ARID1B: variants seen among roughly 807,000 people sequenced by gnomAD.
ARID1B encodes the protein AT-rich interaction domain 1B.
A neutral mutation model predicts 212.3 loss-of-function variants in ARID1B; 30 were observed. The observed-to-expected ratio is 0.14, with a 90% CI of 0.11 to 0.19. The LOEUF (loss-of-function observed/expected upper bound fraction) is 0.19. ARID1B is among the 10% of genes least tolerant of loss of function. The probability of loss-of-function intolerance (pLI) is 1.00; values close to 1 mark genes in which losing one functional copy is unlikely to be tolerated. For missense variants in ARID1B, 2,891 were observed against 3,204.0 expected (o/e 0.90, Z 2.36); for synonymous variants, 1,402 against 1,301.7 (o/e 1.08, Z -1.66).
chr6:156,831,842 AC>A (rs1453541400), intron 2 of ARID1B, among the ~76,000 whole-genome samples: 1 of 152,254 alleles, frequency 6.6e-6, no homozygotes, highest in Admixed American at 6.5e-5. Flanking sequence ...CTAATTAAGC[AC>A]AGATCTTTCT....
At chr6:157,083,161 A>G (rs1268143858) in intron 4 of ARID1B, among the ~76,000 whole-genome samples, 1 of 152,154 alleles carries the variant, frequency 6.6e-6, no homozygotes, top group African/African-American at 2.4e-5. Context: ...CTAAAGCCCT[A>G]TTCTCAGAAG....
In ARID1B at chr6:157,096,560, G is replaced by T. The variant is rs552767987; in HGVS notation, c.2491+11655G>T. Among the ~76,000 whole-genome samples the T allele has an allele frequency of 7.2e-5, 11 of 152,336 alleles. 1 individual carries two copies. Among genetic ancestry groups the T allele is most frequent in the Admixed American group, 3.9e-4 (6 of 15,304 alleles). On this transcript the variant is annotated intron_variant, in intron 5 of 19. Transcript: ENST00000636930. ...GGAGAGTACTTGAGGTCGTGCTCGA[G>T]AACCTTCCTCTCCACATTGCCACAG...
chr6:156,793,985 A>G (rs1780183863), intron 1 of ARID1B, among the ~76,000 whole-genome samples: 1 of 152,226 alleles, frequency 6.6e-6, no homozygotes. Context: ...TAGAATTTAG[A>G]AATTTGTTCA....
At chr6:157,135,228 C>T (rs1788830882) in intron 7 of ARID1B, among the ~76,000 whole-genome samples, 1 of 151,838 alleles carries the variant, frequency 6.6e-6, no homozygotes, top group African/African-American at 2.4e-5. Flanking sequence ...TTCTGAAGTT[C>T]TTTTTGTCTA....
intron 3 of ARID1B, among the ~76,000 whole-genome samples, chr6:156,921,786 G>A (rs893579075): frequency 1.3e-5 from 2 of 152,030 alleles, no homozygotes; most frequent in South Asian, 2.1e-4. Context: ...AAGCATTATT[G>A]ATACAATGCA....
At chr6:156,894,463 A>G (rs892077084) in intron 2 of ARID1B, among the ~76,000 whole-genome samples, 2 of 152,220 alleles carry the variant, frequency 1.3e-5, no homozygotes, top group Non-Finnish European at 2.9e-5. Flanking sequence ...AAATGGTTAA[A>G]ATGGTCAATT....
intron 2 of ARID1B, among the ~76,000 whole-genome samples, chr6:156,845,761 A>C (rs766058984): frequency 4.6e-5 from 7 of 152,010 alleles, no homozygotes; most frequent in Admixed American, 2.0e-4. Flanking sequence ...TTTCTTCGTT[A>C]GGGGAGGGTA....
chr6:156,871,558 A>C, intron 2 of ARID1B: 1 of 1,517,758 alleles, frequency 6.6e-7, no homozygotes, highest in Non-Finnish European at 9.1e-7. Context: ...CAAGATGGGA[A>C]TCCTGGACTG....
intron 2 of ARID1B, among the ~76,000 whole-genome samples, chr6:156,883,117 C>T (rs1393334285): frequency 3.3e-5 from 5 of 152,194 alleles, no homozygotes; most frequent in Non-Finnish European, 5.9e-5. Context: ...CCTTTAGGCT[C>T]CCCATACCGA....
In ARID1B at chr6:157,180,976, G is replaced by C. The variant is rs2128316605; in HGVS notation, c.3512G>C (p.Ser1171Thr). Residue 1171 changes from serine (S) to threonine (T), a missense_variant, in exon 12 of 20, where the codon AGC becomes ACC. By Grantham distance (58) the Ser-to-Thr change is moderately conservative. Around this residue, in one of 7 missense-constraint regions of ARID1B, gnomAD observed 666 missense variants for 873.5 expected, o/e 0.76. Coordinates refer to ENST00000636930, the MANE Select transcript of ARID1B (RefSeq NM_001374828.1). ...GCTGCTTCTGGGTACTAGAAGTCCA[G>C]CTCCTCCACCACTACTGGGGAGAAG... ...WPKTPSSPKS[S>T]SSTTTGEKIT... The C allele has an allele frequency of 6.2e-7, 1 of 1,612,908 alleles. No homozygotes were observed.
intron 2 of ARID1B, among the ~76,000 whole-genome samples, chr6:156,855,585 T>C (rs1028902269): frequency 2.6e-5 from 4 of 152,244 alleles, no homozygotes; most frequent in Admixed American, 6.5e-5. Context: ...TTTATAATTA[T>C]ATTAAGATGA....
chr6:157,012,736 ACT>A (rs1289547953), intron 4 of ARID1B, among the ~76,000 whole-genome samples: 4 of 152,178 alleles, frequency 2.6e-5, no homozygotes, highest in Non-Finnish European at 5.9e-5. Context: ...AAGAAGTTAT[ACT>A]CTGTTAATAT....
chr6:157,103,505 A>C (rs1182715785), intron 5 of ARID1B, among the ~76,000 whole-genome samples: 2 of 152,188 alleles, frequency 1.3e-5, no homozygotes, highest in African/African-American at 4.8e-5. Context: ...GCTGAGCTAT[A>C]ATATATTCAT....
chr6:157,066,162 A>G (rs1281743394), intron 4 of ARID1B, among the ~76,000 whole-genome samples: 1 of 152,270 alleles, frequency 6.6e-6, no homozygotes, highest in Non-Finnish European at 1.5e-5. Flanking sequence ...TGAAGAAAAC[A>G]CAAAACTTAT....
At chr6:156,911,618 A>G (rs1003506085) in intron 3 of ARID1B, among the ~76,000 whole-genome samples, 1 of 152,238 alleles carries the variant, frequency 6.6e-6, no homozygotes, top group Non-Finnish European at 1.5e-5. Context: ...ATAAAATTTC[A>G]AACATGAGTA....
chr6:156,834,897 G>A (rs915184549), intron 2 of ARID1B, among the ~76,000 whole-genome samples: 3 of 152,188 alleles, frequency 2.0e-5, no homozygotes, highest in African/African-American at 7.2e-5. Context: ...AGATGCTACT[G>A]GCTGTGATGC....
At chr6:157,057,907 C>T (rs1321610674) in intron 4 of ARID1B, among the ~76,000 whole-genome samples, 6 of 152,190 alleles carry the variant, frequency 3.9e-5, no homozygotes, top group South Asian at 2.1e-4. Context: ...TCTGATATTC[C>T]AGAGGAATTA....
chr6:156,901,299 C>A, intron 2 of ARID1B, 77 bp from the exon 3 acceptor site: 1 of 1,548,842 alleles, frequency 6.5e-7, no homozygotes. Context: ...CTTCATGTTG[C>A]TGAATTGAAA....
intron 2 of ARID1B, 127 bp downstream of exon 2, chr6:156,829,548 T>G: frequency 9.0e-7 from 1 of 1,106,438 alleles, no homozygotes; most frequent in East Asian, 2.7e-5. Flanking sequence ...TTAATTTTTA[T>G]TGTTTCTTTA....
Sources: allele counts gnomAD v4.1 joint callset (sites outside exome capture counted in the v4.1 genomes callset), GRCh38; gene constraint gnomAD v4.1.1; regional missense constraint gnomAD v4.1.1; transcripts MANE v1.5; gene names NCBI Gene and HGNC (gene_info 2026-07-23, HGNC 2026-07-21).